DPRX: variants seen among roughly 807,000 people sequenced by gnomAD.
The protein encoded by DPRX is divergent paired-related homeobox.
A neutral mutation model predicts 8.4 loss-of-function variants in DPRX; 11 were observed. That is an observed-to-expected ratio of 1.31 (90% CI 0.82 to 2.17). The LOEUF (loss-of-function observed/expected upper bound fraction) is 2.17. DPRX is among the 30% of genes most tolerant of loss of function. The pLI, the probability that DPRX is intolerant of heterozygous loss-of-function variation, is 0.00. For synonymous variants in DPRX, 72 were observed against 87.0 expected (o/e 0.83, Z 0.96); for missense variants, 211 against 236.7 (o/e 0.89, Z 0.71).
At chr19:53,612,255 C>A in the DPRX span, among the ~76,000 whole-genome samples, 1 of 152,046 alleles carries the variant, frequency 6.6e-6, no homozygotes, top group African/African-American at 2.4e-5. Flanking sequence ...TGGTGGCATA[C>A]ACCTGTAGTC....
At chr19:53,607,370 C>T in the DPRX span, among the ~76,000 whole-genome samples, 2 of 152,072 alleles carry the variant, frequency 1.3e-5, no homozygotes, top group Non-Finnish European at 2.9e-5. Context: ...CCAGCCTGGG[C>T]AACATGGCAA....
chr19:53,627,707 G>A (rs1022038569), upstream of DPRX, among the ~76,000 whole-genome samples: 8 of 150,204 alleles, frequency 5.3e-5, no homozygotes, highest in Non-Finnish European at 1.2e-4. Flanking sequence ...CCAAAGTGCT[G>A]GGAGTACAGA....
chr19:53,613,074 A>G, the DPRX span, among the ~76,000 whole-genome samples: 3 of 152,120 alleles, frequency 2.0e-5, no homozygotes, highest in Admixed American at 2.0e-4. Flanking sequence ...TCTGGTGTCT[A>G]TGGCTCACTT....
chr19:53,617,865 C>A, the DPRX span, among the ~76,000 whole-genome samples: 1 of 151,902 alleles, frequency 6.6e-6, no homozygotes, highest in Non-Finnish European at 1.5e-5. Context: ...ACAAGCCAGG[C>A]GCGGTGGCTC....
chr19:53,601,439 G>A, the DPRX span: 1 of 448,234 alleles, frequency 2.2e-6, no homozygotes, highest in Non-Finnish European at 4.5e-6. Context: ...TCCAAGGGGT[G>A]GGAAGGCCTC....
chr19:53,620,387 G>T, the DPRX span, among the ~76,000 whole-genome samples: 3 of 150,356 alleles, frequency 2.0e-5, no homozygotes, highest in East Asian at 6.0e-4. Flanking sequence ...TCTTTAGACA[G>T]GGTCTTCCTC....
the DPRX span, chr19:53,602,265 TG>T: frequency 8.8e-6 from 3 of 342,776 alleles, no homozygotes; most frequent in Admixed American, 3.5e-5. Flanking sequence ...TATATGGGTA[TG>T]GGTGTGTGTG....
the DPRX span, among the ~76,000 whole-genome samples, chr19:53,613,857 AT>A: frequency 6.5e-4 from 98 of 150,858 alleles, 1 homozygote; most frequent in African/African-American, 2.0e-3. Context: ...GAGATTGAGG[AT>A]TTTTTTTTCC....
the DPRX span, among the ~76,000 whole-genome samples, chr19:53,612,798 G>A: frequency 6.6e-6 from 1 of 152,116 alleles, no homozygotes; most frequent in Non-Finnish European, 1.5e-5. Flanking sequence ...TGGACAAAAT[G>A]GATCTGATCT....
Position 53,632,448 on chromosome 19 carries a change from A to C in DPRX, c.28+314A>C, listed in dbSNP as rs914305956. On this transcript the variant is annotated intron_variant, in intron 1 of 2. Coordinates refer to ENST00000376650, the Ensembl canonical transcript of DPRX. ...CCCGAGTAGCTGGGATGACAGGCACACGCCACCACACCTGGCTAATTTTTT... is the reference window on the plus strand; with the variant it reads ...CCCGAGTAGCTGGGATGACAGGCACCCGCCACCACACCTGGCTAATTTTTT... 8.9e-3 allele frequency among the ~76,000 whole-genome samples: 1,302 copies of C among 146,224 alleles called. 14 individuals carry two copies. The highest frequency in any genetic ancestry group is 0.031 in the African/African-American group (1,241 of 39,792).
upstream of DPRX, among the ~76,000 whole-genome samples, chr19:53,628,192 G>A (rs2122152123): frequency 6.6e-6 from 1 of 152,044 alleles, no homozygotes; most frequent in Admixed American, 6.6e-5. Context: ...TAATCCCAGT[G>A]ATTTGGGAGG....
At chr19:53,601,482 T>A in the DPRX span, 2 of 339,966 alleles carry the variant, frequency 5.9e-6, no homozygotes, top group South Asian at 4.4e-5. Context: ...CAATGCCTAT[T>A]CTTTTTTTTT....
the DPRX span, among the ~76,000 whole-genome samples, chr19:53,603,177 A>G: frequency 1.3e-5 from 2 of 151,384 alleles, no homozygotes; most frequent in African/African-American, 4.9e-5. Flanking sequence ...TCAGCCTCCC[A>G]AAGTGCTGGG....
chr19:53,605,725 T>A, the DPRX span, among the ~76,000 whole-genome samples: 2 of 151,966 alleles, frequency 1.3e-5, no homozygotes, highest in Non-Finnish European at 2.9e-5. Context: ...CGTGCAGTGG[T>A]GTGACCTCAG....
upstream of DPRX, among the ~76,000 whole-genome samples, chr19:53,631,874 T>A (rs1011200544): frequency 8.5e-5 from 13 of 152,122 alleles, no homozygotes; most frequent in Admixed American, 5.9e-4. Flanking sequence ...GTTTGTGGAC[T>A]CGCCTTTGAG....
At chr19:53,601,643 G>A in the DPRX span, among the ~76,000 whole-genome samples, 7 of 151,742 alleles carry the variant, frequency 4.6e-5, no homozygotes, top group African/African-American at 1.2e-4. Flanking sequence ...CACCATGCCC[G>A]GCTAATTTTT....
chr19:53,616,839 T>C, the DPRX span: 1 of 1,599,254 alleles, frequency 6.3e-7, no homozygotes, highest in Non-Finnish European at 8.6e-7. Flanking sequence ...TCTTAGCGCT[T>C]GAATGTCCCA....
chr19:53,623,088 G>A, the DPRX span, among the ~76,000 whole-genome samples: 30 of 147,062 alleles, frequency 2.0e-4, no homozygotes, highest in African/African-American at 7.5e-4. Context: ...GGCGGATCAC[G>A]AGGTCAGGAG....
rs1197859765 is a variant in DPRX, at chr19:53,635,574, T to C, written c.183+889T>C. On this transcript the variant is annotated intron_variant, in intron 2 of 2. Transcript: ENST00000376650. ...TTGTGTGTTTTTTGTAGAGATGGGGTTTCGTCATGTTGCCCAGGCTGGACT... is the reference window on the plus strand; with the variant it reads ...TTGTGTGTTTTTTGTAGAGATGGGGCTTCGTCATGTTGCCCAGGCTGGACT... Among the ~76,000 whole-genome samples, 3 of 151,792 alleles carry C rather than the reference T, an allele frequency of 2.0e-5. No individual in the cohort carries two copies. In the South Asian group the frequency reaches 6.3e-4, roughly 32 times the overall value.
Sources: gnomAD v4.1 joint callset for allele counts (sites outside exome capture counted in the v4.1 genomes callset) on GRCh38, gnomAD v4.1.1 for gene constraint, MANE v1.5 for transcripts, NCBI Gene and HGNC (gene_info 2026-07-23, HGNC 2026-07-21) for gene names.